IKZF3: variants seen among roughly 807,000 people sequenced by gnomAD.
IKZF3 encodes the protein IKAROS family zinc finger 3.
Under a neutral mutation model 49.0 loss-of-function variants are expected in IKZF3, and 10 were observed. The observed-to-expected ratio is 0.20, with a 90% CI of 0.13 to 0.35. The LOEUF (loss-of-function observed/expected upper bound fraction) is 0.35, where lower values mean the gene tolerates loss of function less well. Among genes scored for constraint, IKZF3 ranks in the 10% least tolerant of loss-of-function variants. The pLI is 1.00. For synonymous variants in IKZF3, 209 were observed against 228.2 expected (o/e 0.92, Z 0.76); for missense variants, 498 against 664.8 (o/e 0.75, Z 2.76).
chr17:39,855,456 T>C (rs9900538), intron 1 of IKZF3, among the ~76,000 whole-genome samples: 8,811 of 152,246 alleles, frequency 0.058, 402 homozygotes, highest in African/African-American at 0.12. Context: ...CTCCCCAAAT[T>C]GGATTACGTG....
At chr17:39,815,982 G>A (rs1432868310) in intron 3 of IKZF3, among the ~76,000 whole-genome samples, 4 of 152,116 alleles carry the variant, frequency 2.6e-5, no homozygotes, top group South Asian at 2.1e-4. Context: ...ATATAATTAC[G>A]TGTTTAAATA....
chr17:39,855,940 CAT>C (rs2063028177), intron 1 of IKZF3, among the ~76,000 whole-genome samples: 1 of 151,124 alleles, frequency 6.6e-6, no homozygotes, highest in South Asian at 2.1e-4. Context: ...GATGATGTAA[CAT>C]GTATTATAAT....
intron 3 of IKZF3, among the ~76,000 whole-genome samples, chr17:39,826,069 G>T (rs1007810349): frequency 1.3e-5 from 2 of 152,158 alleles, no homozygotes; most frequent in Non-Finnish European, 2.9e-5. Context: ...TTGAGACAGG[G>T]TCTCATTCTA....
At chr17:39,788,175 A>C (rs959808535) in intron 6 of IKZF3, 83 bp downstream of exon 6, 1 of 785,142 alleles carries the variant, frequency 1.3e-6, no homozygotes, top group Non-Finnish European at 2.1e-6. Context: ...TAAAATATAA[A>C]CTCCACGAGT....
rs140223911 is a variant in IKZF3, at chr17:39,855,508, A to G, written c.7+8612T>C. ...GTTTAGGTCTGGGGCAACTAAGTCC[A>G]TACTAGGTCATTGATGTTTGCAATG... On this transcript the variant is annotated intron_variant, in intron 1 of 7. Coordinates refer to ENST00000346872, the MANE Select transcript of IKZF3 (RefSeq NM_012481.5). 3.5e-3 allele frequency among the ~76,000 whole-genome samples: 535 copies of G among 152,336 alleles called. 3 individuals carry two copies. Among genetic ancestry groups the G allele is most frequent in the Non-Finnish European group, 5.7e-3 (389 of 68,024 alleles).
chr17:39,773,829 G>A (rs540461189), intron 7 of IKZF3, among the ~76,000 whole-genome samples: 11 of 152,254 alleles, frequency 7.2e-5, no homozygotes, highest in Admixed American at 4.6e-4. Context: ...TCAGAGAAAG[G>A]AAATCCCCTA....
intron 1 of IKZF3, among the ~76,000 whole-genome samples, chr17:39,836,637 T>G (rs1379247178): frequency 2.6e-5 from 4 of 152,236 alleles, no homozygotes; most frequent in Non-Finnish European, 4.4e-5. Context: ...CAAATATGAC[T>G]GTTGATTTGT....
At chr17:39,778,370 C>T (rs2060643797) in intron 6 of IKZF3, 1 of 164,892 alleles carries the variant, frequency 6.1e-6, no homozygotes, top group South Asian at 2.0e-4. Context: ...TCTCTGTGCT[C>T]TGTATTATCT....
At chr17:39,830,250 T>C (rs1436705018) in intron 2 of IKZF3, among the ~76,000 whole-genome samples, 2 of 152,254 alleles carry the variant, frequency 1.3e-5, no homozygotes, top group Non-Finnish European at 2.9e-5. Flanking sequence ...TTTTCCCTTC[T>C]GTTCACATTA....
At chr17:39,799,098 T>C (rs950797703) in intron 3 of IKZF3, among the ~76,000 whole-genome samples, 2 of 151,864 alleles carry the variant, frequency 1.3e-5, no homozygotes, top group African/African-American at 2.4e-5. Context: ...AATAGAAAAT[T>C]TGGGGCTCCT....
chr17:39,780,660 A>G (rs1474979017), intron 6 of IKZF3, among the ~76,000 whole-genome samples: 1 of 151,906 alleles, frequency 6.6e-6, no homozygotes, highest in African/African-American at 2.4e-5. Flanking sequence ...ACTCAGCCAA[A>G]GCTCAGCTTT....
At position 39,861,579 on chromosome 17, in the gene IKZF3, C is replaced by T. The variant is rs115293187; in HGVS notation, c.7+2541G>A. 7.8e-3 allele frequency among the ~76,000 whole-genome samples: 1,195 copies of T among 152,260 alleles called. 17 individuals carry two copies. Among genetic ancestry groups the T allele is most frequent in the African/African-American group, 0.027 (1,129 of 41,548 alleles). ...AAACCTTCGCATTTCATCCTCCATACGCTCACAATGGAGGGCAAACAGATT... is the reference window on the plus strand; with the variant it reads ...AAACCTTCGCATTTCATCCTCCATATGCTCACAATGGAGGGCAAACAGATT... On this transcript the variant is annotated intron_variant, in intron 1 of 7. Coordinates refer to ENST00000346872, the MANE Select transcript of IKZF3 (RefSeq NM_012481.5).
At chr17:39,780,329 T>A (rs1378493537) in intron 6 of IKZF3, among the ~76,000 whole-genome samples, 1 of 151,500 alleles carries the variant, frequency 6.6e-6, no homozygotes. Context: ...CATTACACAA[T>A]ACATTATAAA....
intron 7 of IKZF3, 140 bp downstream of exon 7, chr17:39,777,511 A>C: frequency 1.7e-6 from 1 of 587,442 alleles, no homozygotes; most frequent in East Asian, 2.9e-5. Flanking sequence ...AGAATGAACC[A>C]TGAAGAATAA....
At chr17:39,828,976 G>A (rs1395904584) in intron 3 of IKZF3, among the ~76,000 whole-genome samples, 1 of 152,002 alleles carries the variant, frequency 6.6e-6, no homozygotes, top group Non-Finnish European at 1.5e-5. Context: ...ACTCTGGCCT[G>A]GGCGACAAAG....
chr17:39,836,525 A>C (rs1173260016), intron 1 of IKZF3, among the ~76,000 whole-genome samples: 2 of 152,196 alleles, frequency 1.3e-5, no homozygotes, highest in Non-Finnish European at 2.9e-5. Context: ...CTGTTTAATA[A>C]ATGTTAATTA....
chr17:39,812,077 A>C (rs889453007), intron 3 of IKZF3, among the ~76,000 whole-genome samples: 1 of 152,200 alleles, frequency 6.6e-6, no homozygotes, highest in South Asian at 2.1e-4. Flanking sequence ...CTTCACTGTC[A>C]TTGCTTTGTG....
chr17:39,767,680 T>A (rs908675182), intron 7 of IKZF3, among the ~76,000 whole-genome samples: 3 of 152,150 alleles, frequency 2.0e-5, no homozygotes, highest in Non-Finnish European at 2.9e-5. Flanking sequence ...ACAAAAGGAT[T>A]GGAAGAACCA....
intron 3 of IKZF3, among the ~76,000 whole-genome samples, chr17:39,795,419 T>C (rs778075767): frequency 7.2e-5 from 11 of 152,160 alleles, no homozygotes; most frequent in Non-Finnish European, 1.3e-4. Flanking sequence ...TATTCTATTT[T>C]ATTTTTTGAG....
Sources: allele counts gnomAD v4.1 joint callset (sites outside exome capture counted in the v4.1 genomes callset), GRCh38; gene constraint gnomAD v4.1.1; transcripts MANE v1.5; gene names NCBI Gene and HGNC (gene_info 2026-07-23, HGNC 2026-07-21).